Variants in GLIS3 observed in about 807,000 individuals in gnomAD.
The protein encoded by GLIS3 is zinc finger protein GLIS3.
Under a neutral mutation model 78.6 loss-of-function variants are expected in GLIS3, and 53 were observed. The ratio of observed to expected loss-of-function variants is 0.67; its 90% CI spans 0.54 to 0.85. The LOEUF is 0.85. GLIS3 is among the 40% of genes least tolerant of loss of function. The pLI is 0.00. For synonymous variants in GLIS3, 684 were observed against 509.9 expected (o/e 1.34, Z -4.60); for missense variants, 1,703 against 1,231.1 (o/e 1.38, Z -5.74).
At chr9:3,848,091 A>C (rs1428846983) in intron 9 of GLIS3, among the ~76,000 whole-genome samples, 1 of 152,252 alleles carries the variant, frequency 6.6e-6, no homozygotes, top group Non-Finnish European at 1.5e-5. Context: ...CACAATGCTT[A>C]AGTTCTAAGC....
chr9:4,348,495 C>T (rs978977010), upstream of GLIS3: 2 of 152,224 alleles, frequency 1.3e-5, no homozygotes, highest in African/African-American at 4.8e-5. Context: ...TTGATAATAA[C>T]TATTCTACTT....
intron 4 of GLIS3, among the ~76,000 whole-genome samples, chr9:3,976,793 T>A (rs976548996): frequency 3.3e-5 from 1 of 30,442 alleles, no homozygotes; most frequent in African/African-American, 1.1e-4. Flanking sequence ...ATCCTCCCCC[T>A]GCAAAAAAAA....
the GLIS3 span, among the ~76,000 whole-genome samples, chr9:4,483,401 C>T: frequency 6.6e-6 from 1 of 152,204 alleles, no homozygotes; most frequent in East Asian, 1.9e-4. Flanking sequence ...TTTTTTGTAA[C>T]AACTCTATAT....
chr9:4,379,743 C>G, the GLIS3 span, among the ~76,000 whole-genome samples: 1 of 152,214 alleles, frequency 6.6e-6, no homozygotes, highest in African/African-American at 2.4e-5. Flanking sequence ...CGCAGTGTCC[C>G]TAGCAATGAC....
the GLIS3 span, among the ~76,000 whole-genome samples, chr9:4,364,037 C>T: frequency 6.6e-6 from 1 of 152,172 alleles, no homozygotes; most frequent in African/African-American, 2.4e-5. Context: ...CATATAATCC[C>T]TATAGAGACT....
At chr9:4,143,364 C>T (rs1367331166) in intron 2 of GLIS3, among the ~76,000 whole-genome samples, 9 of 151,846 alleles carry the variant, frequency 5.9e-5, no homozygotes, top group Admixed American at 1.3e-4. Flanking sequence ...GTCAGGAGTT[C>T]GAGACCAGCC....
At chr9:4,195,548 G>A (rs768207927) in intron 2 of GLIS3, among the ~76,000 whole-genome samples, 44 of 152,226 alleles carry the variant, frequency 2.9e-4, no homozygotes, top group Non-Finnish European at 1.8e-4. Context: ...GGCAGGGCTC[G>A]GGACCTGCAG....
chr9:4,052,394 C>A (rs146684277), intron 4 of GLIS3, among the ~76,000 whole-genome samples: 14 of 152,082 alleles, frequency 9.2e-5, no homozygotes, highest in Non-Finnish European at 1.8e-4. Flanking sequence ...ATATTAAATG[C>A]ATTCATAATG....
At chr9:4,473,466 A>AAAAAAAAAAAAAAAAAAAG in the GLIS3 span, among the ~76,000 whole-genome samples, 238 of 135,296 alleles carry the variant, frequency 1.8e-3, 3 homozygotes, top group Non-Finnish European at 3.0e-3. Context: ...ACAACAAAAA[A>AAAAAAAAAAAAAAAAAAAG]AAAGGATCAT....
intron 9 of GLIS3, among the ~76,000 whole-genome samples, chr9:3,848,554 C>CTA (rs1363095121): frequency 2.6e-5 from 4 of 152,094 alleles, no homozygotes; most frequent in African/African-American, 9.7e-5. Context: ...ATATTTAACA[C>CTA]TATAAATTGG....
intron 2 of GLIS3, among the ~76,000 whole-genome samples, chr9:4,158,006 G>A (rs1049840211): frequency 1.1e-4 from 17 of 152,156 alleles, no homozygotes; most frequent in African/African-American, 3.4e-4. Flanking sequence ...TGTCAGGACC[G>A]ACAAAACTCT....
At chr9:4,090,966 G>A (rs780822204) in intron 4 of GLIS3, among the ~76,000 whole-genome samples, 35 of 152,248 alleles carry the variant, frequency 2.3e-4, no homozygotes, top group Non-Finnish European at 4.9e-4. Context: ...TAAGTTCCTT[G>A]AGCAATGTAT....
chr9:4,411,779 T>C, the GLIS3 span, among the ~76,000 whole-genome samples: 7 of 152,236 alleles, frequency 4.6e-5, no homozygotes, highest in Non-Finnish European at 1.0e-4. Context: ...CACAGTCTTA[T>C]GCCGAAGTTT....
chr9:4,273,244 C>G (rs1490505586), intron 2 of GLIS3, among the ~76,000 whole-genome samples: 2 of 152,128 alleles, frequency 1.3e-5, no homozygotes, highest in African/African-American at 4.8e-5. Flanking sequence ...CTACCTCACA[C>G]AGATGTGTAA....
At chr9:4,267,126 T>G (rs1826087137) in intron 2 of GLIS3, among the ~76,000 whole-genome samples, 1 of 152,048 alleles carries the variant, frequency 6.6e-6, no homozygotes, top group Non-Finnish European at 1.5e-5. Flanking sequence ...CTGTACCCCC[T>G]GCAGACACCC....
chr9:4,081,445 C>G (rs1828546299), intron 4 of GLIS3: 1 of 152,166 alleles, frequency 6.6e-6, no homozygotes, highest in African/African-American at 2.4e-5. Flanking sequence ...TGAGGAGAGC[C>G]ACTTACCCGC....
intron 4 of GLIS3, among the ~76,000 whole-genome samples, chr9:3,966,504 T>C (rs116571592): frequency 0.019 from 2,824 of 151,986 alleles, 42 homozygotes; most frequent in Middle Eastern, 0.027. Flanking sequence ...TTTAAAATTT[T>C]ACCTCTTTAG....
intron 4 of GLIS3, among the ~76,000 whole-genome samples, chr9:4,049,039 C>T (rs72687912): frequency 0.018 from 2,794 of 152,250 alleles, 43 homozygotes; most frequent in Non-Finnish European, 0.028. Context: ...GGGCTAAGAA[C>T]AAATGGTGAG....
At chr9:3,862,762 C>G (rs1481747577) in intron 8 of GLIS3, among the ~76,000 whole-genome samples, 1 of 152,074 alleles carries the variant, frequency 6.6e-6, no homozygotes, top group Non-Finnish European at 1.5e-5. Flanking sequence ...CCCTCCGCCC[C>G]CCGTCTCTTC....
Sources: allele counts gnomAD v4.1 joint callset (sites outside exome capture counted in the v4.1 genomes callset), GRCh38; gene constraint gnomAD v4.1.1; transcripts MANE v1.5; gene names NCBI Gene and HGNC (gene_info 2026-07-23, HGNC 2026-07-21).